The following SYT1 variants were observed in gnomAD, a reference collection of about 807,000 sequenced individuals.
SYT1 encodes synaptotagmin 1, also known as synaptotagmin-1.
Under a neutral mutation model 44.8 loss-of-function variants are expected in SYT1, and 8 were observed. That is an observed-to-expected ratio of 0.18 (90% confidence interval 0.10 to 0.32). SYT1 has a LOEUF of 0.32. SYT1 is among the 10% of genes least tolerant of loss of function. The pLI is 1.00. For synonymous variants in SYT1, 154 were observed against 188.8 expected (o/e 0.82, Z 1.51); for missense variants, 286 against 509.3 (o/e 0.56, Z 4.22).
At chr12:79,366,939 TG>T (rs1565928040) in intron 9 of SYT1, among the ~76,000 whole-genome samples, 7 of 147,840 alleles carry the variant, frequency 4.7e-5, no homozygotes, top group African/African-American at 1.7e-4. Flanking sequence ...TGTGTGTGTG[TG>T]TGTGTGTTCA....
At chr12:78,876,463 GTTTT>G (rs1555177002) in intron 1 of SYT1, among the ~76,000 whole-genome samples, 2 of 41,532 alleles carry the variant, frequency 4.8e-5, no homozygotes, top group Admixed American at 3.0e-4. Flanking sequence ...AAATGGAGGT[GTTTT>G]TTTTTTTTTT....
chr12:79,057,470 A>G lies in SYT1; in HGVS notation c.-18+10108A>G, dbSNP rs545888127. Among the ~76,000 whole-genome samples, 4 of 152,182 alleles carry G rather than the reference A, an allele frequency of 2.6e-5. No homozygotes were observed. The East Asian group carries it at 7.7e-4, about 29-fold the overall frequency. ...TATATTATAAGAAATAATTCTTAGC[A>G]GTAGTTTTGCAAGTTGCTCAGGATT... is the stretch of plus-strand genomic sequence containing the variant. On this transcript the variant is annotated intron_variant, in intron 3 of 10. Coordinates refer to ENST00000261205, the MANE Select transcript of SYT1 (RefSeq NM_005639.3).
intron 3 of SYT1, among the ~76,000 whole-genome samples, chr12:79,057,661 A>G (rs1460016082): frequency 6.6e-6 from 1 of 151,938 alleles, no homozygotes; most frequent in Non-Finnish European, 1.5e-5. Flanking sequence ...ATTTTGCACA[A>G]GGTAAAAATG....
chr12:79,087,819 G>A (rs1176203928), intron 3 of SYT1, among the ~76,000 whole-genome samples: 2 of 151,986 alleles, frequency 1.3e-5, no homozygotes, highest in African/African-American at 4.8e-5. Context: ...ATTGAAATAG[G>A]GCATCTGAAC....
At chr12:79,318,282 T>A (rs1881196526) in intron 8 of SYT1, among the ~76,000 whole-genome samples, 1 of 151,098 alleles carries the variant, frequency 6.6e-6, no homozygotes, top group Admixed American at 6.6e-5. Flanking sequence ...TGACCCGTAC[T>A]CTCTTCTAAA....
intron 9 of SYT1, among the ~76,000 whole-genome samples, chr12:79,354,323 C>G (rs1044187581): frequency 6.6e-6 from 1 of 152,080 alleles, no homozygotes. Flanking sequence ...TTTAATTTTC[C>G]GCTAAATCAT....
At chr12:79,035,557 G>A (rs1873076511) in intron 2 of SYT1, among the ~76,000 whole-genome samples, 1 of 151,514 alleles carries the variant, frequency 6.6e-6, no homozygotes, top group Admixed American at 6.6e-5. Flanking sequence ...TAATTCCTTT[G>A]CATTCTCTTT....
intron 3 of SYT1, among the ~76,000 whole-genome samples, chr12:79,070,429 G>C (rs376457195): frequency 6.6e-6 from 1 of 151,846 alleles, no homozygotes; most frequent in Non-Finnish European, 1.5e-5. Flanking sequence ...TTGATTATTA[G>C]CGTTGCATTA....
intron 1 of SYT1, among the ~76,000 whole-genome samples, chr12:78,896,293 A>G (rs1030895842): frequency 6.6e-6 from 1 of 151,804 alleles, no homozygotes; most frequent in African/African-American, 2.4e-5. Flanking sequence ...TACAGGAATC[A>G]CAAGAAAAAC....
At chr12:79,400,390 C>T (rs1885027656) in intron 9 of SYT1, among the ~76,000 whole-genome samples, 1 of 152,240 alleles carries the variant, frequency 6.6e-6, no homozygotes, top group East Asian at 1.9e-4. Flanking sequence ...CTACTGCCTG[C>T]AAAATTAAGT....
chr12:79,413,739 A>C (rs1473089498), intron 9 of SYT1, among the ~76,000 whole-genome samples: 1 of 152,220 alleles, frequency 6.6e-6, no homozygotes, highest in Non-Finnish European at 1.5e-5. Flanking sequence ...ATAAATCAAG[A>C]ATTAATGTAA....
At chr12:79,102,370 A>G (rs1878494051) in intron 3 of SYT1, among the ~76,000 whole-genome samples, 1 of 151,862 alleles carries the variant, frequency 6.6e-6, no homozygotes, top group South Asian at 2.1e-4. Flanking sequence ...ATGACACTCA[A>G]TACTTCCACC....
chr12:79,374,896 A>G (rs1264081277), intron 9 of SYT1, among the ~76,000 whole-genome samples: 1 of 152,100 alleles, frequency 6.6e-6, no homozygotes, highest in Non-Finnish European at 1.5e-5. Context: ...GAGTAAACAA[A>G]CTTTTTTTGT....
chr12:79,038,014 G>A (rs1467158103), intron 2 of SYT1, among the ~76,000 whole-genome samples: 1 of 151,196 alleles, frequency 6.6e-6, no homozygotes, highest in African/African-American at 2.4e-5. Flanking sequence ...TCTTTTTTTG[G>A]TAATGTTTAT....
chr12:78,985,339 A>G (rs1869569065), intron 2 of SYT1, among the ~76,000 whole-genome samples: 1 of 151,998 alleles, frequency 6.6e-6, no homozygotes, highest in Non-Finnish European at 1.5e-5. Flanking sequence ...AAGTTATTAT[A>G]CGATTTTGTT....
At chr12:79,429,372 A>G (rs1365202963) in intron 9 of SYT1, among the ~76,000 whole-genome samples, 3 of 151,432 alleles carry the variant, frequency 2.0e-5, no homozygotes, top group Non-Finnish European at 2.9e-5. Context: ...ACGCCTGGCA[A>G]ATTTTTGTAT....
intron 1 of SYT1, chr12:78,976,697 T>G (rs1868861713): frequency 6.6e-6 from 1 of 152,230 alleles, no homozygotes; most frequent in African/African-American, 2.4e-5. Context: ...CGATGTGATT[T>G]GTATTGGAGT....
chr12:79,441,292 TTGTTGTTGTTGTTGTTGCTGCTGCTGC>T (rs1272835592), intron 9 of SYT1, among the ~76,000 whole-genome samples: 1 of 152,038 alleles, frequency 6.6e-6, no homozygotes, highest in African/African-American at 2.4e-5. Context: ...TGTTTTGTTG[TTGTTGTTGTTGTTGTTGCTGCTGCTGC>T]TGTTGTTGTT....
chr12:79,296,002 A>G, intron 6 of SYT1, 67 bp from the exon 7 acceptor site: 1 of 1,508,698 alleles, frequency 6.6e-7, no homozygotes, highest in South Asian at 1.3e-5. Context: ...CAGCATTGTG[A>G]ACAAATCGAT....
Sources: gnomAD v4.1 joint callset for allele counts (sites outside exome capture counted in the v4.1 genomes callset) on GRCh38, gnomAD v4.1.1 for gene constraint, MANE v1.5 for transcripts, NCBI Gene and HGNC (gene_info 2026-07-23, HGNC 2026-07-21) for gene names.